KCNIP4: variants seen among roughly 807,000 people sequenced by gnomAD.
KCNIP4 encodes the protein potassium voltage-gated channel interacting protein 4.
A neutral mutation model predicts 34.0 loss-of-function variants in KCNIP4; 12 were observed. The ratio of observed to expected loss-of-function variants is 0.35; its 90% CI spans 0.23 to 0.57. The LOEUF is 0.57. Ranked by LOEUF, KCNIP4 falls within the 20% of genes least tolerant of loss-of-function variation. The pLI is 0.83. For synonymous variants in KCNIP4, 124 were observed against 102.2 expected (o/e 1.21, Z -1.29); for missense variants, 238 against 311.7 (o/e 0.76, Z 1.78).
intron 1 of KCNIP4, among the ~76,000 whole-genome samples, chr4:21,652,976 C>A (rs758772766): frequency 1.3e-5 from 2 of 152,114 alleles, no homozygotes; most frequent in African/African-American, 4.8e-5. Context: ...TGTGATATGT[C>A]ATATAATTCA....
At chr4:20,859,613 T>C (rs763401186) in intron 2 of KCNIP4, among the ~76,000 whole-genome samples, 27 of 152,064 alleles carry the variant, frequency 1.8e-4, no homozygotes, top group Non-Finnish European at 3.4e-4. Flanking sequence ...GGGCTAGAAA[T>C]TGGAATTCAA....
intron 1 of KCNIP4, among the ~76,000 whole-genome samples, chr4:21,301,453 T>C (rs766605320): frequency 2.6e-5 from 4 of 152,182 alleles, no homozygotes; most frequent in Non-Finnish European, 5.9e-5. Flanking sequence ...CTCATAAGGC[T>C]TTAACCTAGG....
At chr4:20,833,723 G>A (rs1331596774) in intron 3 of KCNIP4, among the ~76,000 whole-genome samples, 1 of 152,042 alleles carries the variant, frequency 6.6e-6, no homozygotes, top group African/African-American at 2.4e-5. Context: ...GTGCTAGTTT[G>A]TTATCCCACA....
intron 1 of KCNIP4, among the ~76,000 whole-genome samples, chr4:21,257,026 G>C (rs1311998462): frequency 6.6e-6 from 1 of 152,178 alleles, no homozygotes; most frequent in Non-Finnish European, 1.5e-5. Context: ...ACAATCGCTA[G>C]AACAGTGCCT....
chr4:21,585,125 T>C (rs1000465071), intron 1 of KCNIP4, among the ~76,000 whole-genome samples: 1 of 152,040 alleles, frequency 6.6e-6, no homozygotes, highest in Non-Finnish European at 1.5e-5. Flanking sequence ...AAGTATAGAA[T>C]GTTCAGTGAC....
intron 1 of KCNIP4, among the ~76,000 whole-genome samples, chr4:21,310,271 T>C (rs993759930): frequency 1.3e-5 from 2 of 152,046 alleles, no homozygotes; most frequent in African/African-American, 4.8e-5. Context: ...CCTGACCTCA[T>C]GTGATCCGTC....
chr4:21,819,207 T>C (rs1722178497), intron 1 of KCNIP4, among the ~76,000 whole-genome samples: 1 of 152,224 alleles, frequency 6.6e-6, no homozygotes, highest in South Asian at 2.1e-4. Context: ...GTCAAAGTCT[T>C]TTGGAATGTT....
chr4:21,126,787 T>C (rs1448985065), intron 1 of KCNIP4, among the ~76,000 whole-genome samples: 1 of 152,154 alleles, frequency 6.6e-6, no homozygotes, highest in Non-Finnish European at 1.5e-5. Flanking sequence ...AAAAAGCAAG[T>C]AGCAAGGGTG....
intron 1 of KCNIP4, among the ~76,000 whole-genome samples, chr4:21,858,168 G>A (rs757180060): frequency 3.7e-4 from 57 of 152,222 alleles, no homozygotes; most frequent in Admixed American, 1.9e-3. Context: ...AGCATGAGCT[G>A]AGCTCAGCCT....
In KCNIP4 at chr4:20,729,866, G is replaced by C. The variant is rs1747508041; in HGVS notation, c.*216C>G. On this transcript the variant is annotated 3_prime_UTR_variant, in exon 9 of 9. Coordinates refer to ENST00000382152, the MANE Select transcript of KCNIP4 (RefSeq NM_025221.6). ...TATTCACAGAGTATGAAATGAGTTA[G>C]ACCATCCCCTGAACTCAGTGGCATT... 2.3e-6 allele frequency: 1 copy of C among 443,818 alleles called. No individual in the cohort carries two copies. Among genetic ancestry groups the C allele is most frequent in the South Asian group, 5.9e-5 (1 of 16,834 alleles). 27.5% of individuals were successfully genotyped at this position (443,818 alleles called of 1,614,324 possible). A position where few individuals can be genotyped will look rare whatever the true frequency, so the allele number is the denominator to read the frequency against.
intron 8 of KCNIP4, 109 bp from the exon 9 acceptor site, chr4:20,730,238 G>C: frequency 2.3e-6 from 3 of 1,327,950 alleles, no homozygotes; most frequent in Non-Finnish European, 3.0e-6. Context: ...AACCACCTAT[G>C]CCAAAAGCTC....
At chr4:20,962,941 A>G (rs553557093) in intron 1 of KCNIP4, among the ~76,000 whole-genome samples, 1 of 152,328 alleles carries the variant, frequency 6.6e-6, no homozygotes, top group African/African-American at 2.4e-5. Context: ...TTGGTGAGTC[A>G]TTCAATTTCT....
chr4:20,936,451 T>A (rs1170586058), intron 1 of KCNIP4, among the ~76,000 whole-genome samples: 1 of 151,872 alleles, frequency 6.6e-6, no homozygotes, highest in African/African-American at 2.4e-5. Flanking sequence ...TCCTAAAGAT[T>A]TCATCATGCA....
In KCNIP4 at chr4:20,917,815, C is replaced by G. The variant is rs189950887; in HGVS notation, c.62-35106G>C. On this transcript the variant is annotated intron_variant, in intron 1 of 8. Transcript: ENST00000382152. ...ATAAAGTGTGATTCTTCTGTGAAAG[C>G]CTCTTCTAGTCAGCTAGCGAACACA... is the stretch of plus-strand genomic sequence containing the variant. Among the ~76,000 whole-genome samples, 808 of 152,166 alleles carry G rather than the reference C, an allele frequency of 5.3e-3. 3 individuals are homozygous for G. Among genetic ancestry groups the G allele is most frequent in the Non-Finnish European group, 8.7e-3 (589 of 68,004 alleles).
At chr4:20,813,764 T>C (rs1873530) in intron 3 of KCNIP4, among the ~76,000 whole-genome samples, 123,274 of 152,210 alleles carry the variant, frequency 0.81, 50,353 homozygotes, top group African/African-American at 0.9. Context: ...GTAAGTTTCT[T>C]CAAAGTTGAA....
At chr4:21,376,062 T>A (rs1326126000) in intron 1 of KCNIP4, among the ~76,000 whole-genome samples, 1 of 152,198 alleles carries the variant, frequency 6.6e-6, no homozygotes, top group Non-Finnish European at 1.5e-5. Flanking sequence ...CCCCAGAGTA[T>A]CTTAAGTTTG....
At chr4:20,921,527 G>T (rs1729389314) in intron 1 of KCNIP4, among the ~76,000 whole-genome samples, 2 of 152,144 alleles carry the variant, frequency 1.3e-5, no homozygotes, top group Non-Finnish European at 1.5e-5. Flanking sequence ...ATTATGTCAT[G>T]TTACTTTTTA....
At chr4:21,776,334 T>A (rs2109202087) in intron 1 of KCNIP4, among the ~76,000 whole-genome samples, 1 of 152,034 alleles carries the variant, frequency 6.6e-6, no homozygotes, top group African/African-American at 2.4e-5. Flanking sequence ...TTACTATGGT[T>A]TTTTTTTTCG....
At chr4:21,105,764 C>T (rs9683739) in intron 1 of KCNIP4, among the ~76,000 whole-genome samples, 60 of 151,116 alleles carry the variant, frequency 4.0e-4, no homozygotes, top group African/African-American at 1.3e-3. Context: ...TTTTGAGATA[C>T]GTCCCATCAA....
Sources: allele counts gnomAD v4.1 joint callset (sites outside exome capture counted in the v4.1 genomes callset), GRCh38; gene constraint gnomAD v4.1.1; transcripts MANE v1.5; gene names NCBI Gene and HGNC (gene_info 2026-07-23, HGNC 2026-07-21).